The following LRRC4C variants were observed in gnomAD, a reference collection of about 807,000 sequenced individuals.
The protein encoded by LRRC4C is leucine rich repeat containing 4C.
LRRC4C carries 5 observed loss-of-function variants against 33.6 expected under a neutral mutation model. The ratio of observed to expected loss-of-function variants is 0.15; its 90% CI spans 0.08 to 0.31. The LOEUF is 0.31. Ranked by LOEUF, LRRC4C falls within the 10% of genes least tolerant of loss-of-function variation. LRRC4C has a pLI of 1.00. For missense variants in LRRC4C, 560 were observed against 796.7 expected (o/e 0.70, Z 3.58); for synonymous variants, 329 against 302.0 (o/e 1.09, Z -0.93).
intron 1 of LRRC4C, among the ~76,000 whole-genome samples, chr11:40,989,473 G>A (rs1356476999): frequency 6.6e-6 from 1 of 152,128 alleles, no homozygotes; most frequent in Non-Finnish European, 1.5e-5. Context: ...GTCAAAGCCA[G>A]GAACTCCCAT....
chr11:41,341,080 C>T (rs1351811294), intron 1 of LRRC4C, among the ~76,000 whole-genome samples: 6 of 151,464 alleles, frequency 4.0e-5, no homozygotes, highest in South Asian at 2.1e-4. Context: ...GTAAAAGAAG[C>T]AGCTTTACCT....
In LRRC4C at chr11:40,115,001, G is replaced by T; in HGVS notation, c.1292C>A (p.Ser431Tyr). The T allele has an allele frequency of 1.2e-6, 2 of 1,614,204 alleles. No homozygotes were observed. Among genetic ancestry groups the T allele is most frequent in the South Asian group, 1.1e-5 (1 of 91,080 alleles). Reference protein sequence around the residue: ...TGMYTCMVSNSVGNTTASATL... With the variant: ...TGMYTCMVSNYVGNTTASATL... ...GGCTGAAGCAGTAGTATTCCCAACG[G>T]AATTACTCACCATACATGTGTACAT... The change falls in exon 7 of 7, where the codon TCC (serine) becomes TAC (tyrosine). Residue 431 changes from serine to tyrosine, a missense_variant. Physicochemically the swap from Ser to Tyr is moderately radical, Grantham distance 144. Coordinates refer to ENST00000528697, the MANE Select transcript of LRRC4C (RefSeq NM_001258419.2). The surrounding 1 kb of genome is among the most constrained non-coding windows in gnomAD (Gnocchi z 6.7).
chr11:40,670,864 C>A (rs898740402), intron 2 of LRRC4C, among the ~76,000 whole-genome samples: 2 of 152,134 alleles, frequency 1.3e-5, no homozygotes, highest in African/African-American at 4.8e-5. Context: ...CCCGGGTTCA[C>A]GCCATTCTCC....
At chr11:40,686,845 C>T (rs896303789) in intron 2 of LRRC4C, among the ~76,000 whole-genome samples, 5 of 151,630 alleles carry the variant, frequency 3.3e-5, no homozygotes, top group Admixed American at 2.6e-4. Flanking sequence ...CTCAACACTC[C>T]AAGAGACATC....
At chr11:40,303,657 A>T (rs1040094581) in intron 4 of LRRC4C, among the ~76,000 whole-genome samples, 3 of 151,304 alleles carry the variant, frequency 2.0e-5, no homozygotes, top group Non-Finnish European at 4.4e-5. Context: ...TTACAATTAA[A>T]ACATTTTTTT....
intron 3 of LRRC4C, among the ~76,000 whole-genome samples, chr11:40,501,811 T>C (rs1954788510): frequency 6.6e-6 from 1 of 152,232 alleles, no homozygotes. Context: ...CTCGTCTCTG[T>C]GTTACTTATG....
At chr11:40,640,810 C>G (rs1477431168) in intron 3 of LRRC4C, among the ~76,000 whole-genome samples, 1 of 151,826 alleles carries the variant, frequency 6.6e-6, no homozygotes. Flanking sequence ...GTCAGGAGAT[C>G]GAGAGACTAT....
chr11:40,357,821 C>G (rs1947742642), intron 3 of LRRC4C, among the ~76,000 whole-genome samples: 1 of 152,088 alleles, frequency 6.6e-6, no homozygotes, highest in South Asian at 2.1e-4. Context: ...GGGCATGATA[C>G]AAATAATCAC....
chr11:41,258,556 AT>A (rs914674059), intron 1 of LRRC4C, among the ~76,000 whole-genome samples: 7 of 151,974 alleles, frequency 4.6e-5, no homozygotes, highest in African/African-American at 7.2e-5. Flanking sequence ...TTGTGTTTTA[AT>A]TTTTTTTCCT....
chr11:40,847,379 G>A (rs1352503735), intron 2 of LRRC4C, among the ~76,000 whole-genome samples: 1 of 152,088 alleles, frequency 6.6e-6, no homozygotes, highest in East Asian at 1.9e-4. Context: ...TTTATTGAAC[G>A]CCTTTTCTGC....
intron 3 of LRRC4C, among the ~76,000 whole-genome samples, chr11:40,602,743 G>A (rs1331456214): frequency 1.3e-5 from 2 of 152,296 alleles, no homozygotes; most frequent in South Asian, 2.1e-4. Flanking sequence ...GCAGCTTGGA[G>A]GTCTTTAAAT....
At position 40,775,200 on chromosome 11, in the gene LRRC4C, G is replaced by C. The variant is rs192212529; in HGVS notation, c.-406-126922C>G. On this transcript the variant is annotated intron_variant, in intron 2 of 6. Transcript: ENST00000528697. Reference sequence around the variant, plus strand: ...CCGAGGTGGATGGATCATGAGGTCAGGAGATCGAGACCATCCTGGCTAACA... The same window carrying C: ...CCGAGGTGGATGGATCATGAGGTCACGAGATCGAGACCATCCTGGCTAACA... Among the ~76,000 whole-genome samples, 826 of 152,130 alleles carry C rather than the reference G, an allele frequency of 5.4e-3. 6 individuals are homozygous for C. The highest frequency in any genetic ancestry group is 7.7e-3 in the Non-Finnish European group (523 of 67,992).
At chr11:40,478,591 T>A (rs1345020481) in intron 3 of LRRC4C, among the ~76,000 whole-genome samples, 1 of 152,198 alleles carries the variant, frequency 6.6e-6, no homozygotes, top group Non-Finnish European at 1.5e-5. Flanking sequence ...ATGTGTACAA[T>A]GTACAGGTTG....
intron 4 of LRRC4C, among the ~76,000 whole-genome samples, chr11:40,302,018 T>C (rs1944797300): frequency 6.6e-6 from 1 of 152,160 alleles, no homozygotes; most frequent in South Asian, 2.1e-4. Flanking sequence ...ACTTTCAAAA[T>C]GGAAGGGGCT....
intron 1 of LRRC4C, among the ~76,000 whole-genome samples, chr11:41,282,121 A>G (rs919979351): frequency 7.9e-5 from 12 of 152,198 alleles, no homozygotes; most frequent in Non-Finnish European, 1.5e-5. Context: ...GAGTAGAGCG[A>G]TTGTGAAATG....
At position 40,880,636 on chromosome 11, in the gene LRRC4C, A is replaced by G. The variant is rs527409199; in HGVS notation, c.-407+52999T>C. ...ATCAAATTATTCTTGATATAAGAATATATGTATATCTTTACTAATGCATCA... is the reference window on the plus strand; with the variant it reads ...ATCAAATTATTCTTGATATAAGAATGTATGTATATCTTTACTAATGCATCA... On this transcript the variant is annotated intron_variant, in intron 2 of 6. Coordinates refer to ENST00000528697, the MANE Select transcript of LRRC4C (RefSeq NM_001258419.2). 1.3e-4 allele frequency among the ~76,000 whole-genome samples: 19 copies of G among 151,922 alleles called. No homozygotes were observed. The South Asian group carries it at 1.7e-3, about 13-fold the overall frequency.
intron 3 of LRRC4C, among the ~76,000 whole-genome samples, chr11:40,385,517 C>T (rs909517001): frequency 6.6e-6 from 1 of 151,868 alleles, no homozygotes; most frequent in Admixed American, 6.6e-5. Flanking sequence ...AAGAGGAGAA[C>T]AACAGACATT....
intron 1 of LRRC4C, among the ~76,000 whole-genome samples, chr11:41,278,180 A>G (rs555962661): frequency 1.4e-4 from 21 of 152,302 alleles, no homozygotes; most frequent in Middle Eastern, 3.4e-3. Context: ...AAGAAAGTGT[A>G]TATTAAGTGT....
chr11:40,712,369 A>G (rs376055821), intron 2 of LRRC4C, among the ~76,000 whole-genome samples: 11 of 152,160 alleles, frequency 7.2e-5, no homozygotes, highest in African/African-American at 1.9e-4. Flanking sequence ...AACACATCCC[A>G]TAGCTAACCT....
Sources: allele counts gnomAD v4.1 joint callset (sites outside exome capture counted in the v4.1 genomes callset), GRCh38; gene constraint gnomAD v4.1.1; non-coding constraint Gnocchi (gnomAD v3.1); transcripts MANE v1.5; gene names NCBI Gene and HGNC (gene_info 2026-07-23, HGNC 2026-07-21).